Variants in PLA2G4E observed in about 807,000 individuals in gnomAD.
PLA2G4E encodes cytosolic phospholipase A2 epsilon.
Under a neutral mutation model 109.1 loss-of-function variants are expected in PLA2G4E, and 84 were observed. The observed-to-expected ratio is 0.77, with a 90% confidence interval of 0.65 to 0.92. PLA2G4E has a LOEUF of 0.92. Ranked by LOEUF, PLA2G4E falls within the 40% of genes least tolerant of loss-of-function variation. The probability of loss-of-function intolerance (pLI) is 0.00; values close to 1 mark genes in which losing one functional copy is unlikely to be tolerated. For synonymous variants in PLA2G4E, 469 were observed against 436.1 expected, an observed-to-expected ratio of 1.08 and a Z score of -0.94; for missense variants, 1,057 against 1,076.6, an observed-to-expected ratio of 0.98 and a Z score of 0.25.
At chr15:42,040,015 C>G (rs1043007570) in intron 1 of PLA2G4E, among the ~76,000 whole-genome samples, 1 of 152,068 alleles carries the variant, frequency 6.6e-6, no homozygotes, top group African/African-American at 2.4e-5. Flanking sequence ...GGAGAGAAAA[C>G]TAATTCTATC....
chr15:42,029,284 C>T (rs1889074972), intron 1 of PLA2G4E, among the ~76,000 whole-genome samples: 1 of 152,018 alleles, frequency 6.6e-6, no homozygotes, highest in African/African-American at 2.4e-5. Flanking sequence ...TTTGTAGAGA[C>T]AGGGTTTTGC....
At chr15:41,997,217 T>G in exon 11 of PLA2G4E, 1 of 1,551,496 alleles carries the variant, frequency 6.4e-7, no homozygotes, top group Non-Finnish European at 8.7e-7. Flanking sequence ...CCAGCTCTGC[T>G]GGGCACAGGC....
At chr15:41,985,787 C>T in intron 18 of PLA2G4E, 52 bp downstream of exon 18, 2 of 1,560,144 alleles carry the variant, frequency 1.3e-6, no homozygotes, top group South Asian at 2.4e-5. Flanking sequence ...ACTGCGGGGC[C>T]CATCTTAGGA....
chr15:42,018,897 A>G (rs960876834), intron 1 of PLA2G4E, among the ~76,000 whole-genome samples: 1 of 152,096 alleles, frequency 6.6e-6, no homozygotes, highest in Non-Finnish European at 1.5e-5. Context: ...TTTTATAGAT[A>G]TGACTTTTGG....
exon 4 of PLA2G4E, chr15:42,005,996 G>A: frequency 6.2e-7 from 1 of 1,613,904 alleles, no homozygotes; most frequent in Non-Finnish European, 8.5e-7. Context: ...CCACCTGCGG[G>A]TTGAGTGGAA....
chr15:42,004,950 A>G, exon 5 of PLA2G4E: 1 of 1,613,296 alleles, frequency 6.2e-7, no homozygotes, highest in East Asian at 2.2e-5. Flanking sequence ...CTCCTCCAGC[A>G]GGAACTCCAC....
chr15:42,001,938 C>A (rs1293915416), intron 6 of PLA2G4E, among the ~76,000 whole-genome samples: 2 of 152,194 alleles, frequency 1.3e-5, no homozygotes, highest in Non-Finnish European at 2.9e-5. Flanking sequence ...AGTGATCCCC[C>A]AACCTTGGCC....
Position 41,989,702 on chromosome 15 carries a change from C to T in PLA2G4E, c.1586-150G>A, listed in dbSNP as rs2068211432. On this transcript the variant is annotated intron_variant, in intron 14 of 19. Coordinates refer to ENST00000399518, the Ensembl canonical transcript of PLA2G4E. ...TTCCCCCAAAGGACACATGGGGGCA[C>T]CCTTGGCCAGCTTCTGCTGGTGTAG... 29 of 1,104,588 alleles carry T rather than the reference C, an allele frequency of 2.6e-5. 1 individual carries two copies. The South Asian group carries it at 4.2e-4, about 16-fold the overall frequency. The allele number at this position is 1,104,588 out of a possible 1,614,324, so 68.4% of individuals were successfully genotyped here.
chr15:42,015,950 G>C (rs943766293), intron 1 of PLA2G4E, among the ~76,000 whole-genome samples: 2 of 152,302 alleles, frequency 1.3e-5, no homozygotes, highest in East Asian at 3.9e-4. Context: ...CCTTCGCTGA[G>C]AGTTTTACCC....
chr15:42,012,090 A>G (rs1210617437), intron 2 of PLA2G4E, among the ~76,000 whole-genome samples: 1 of 152,208 alleles, frequency 6.6e-6, no homozygotes, highest in Admixed American at 6.5e-5. Flanking sequence ...ATTGCCCTCC[A>G]GAGGCTCTGT....
intron 1 of PLA2G4E, among the ~76,000 whole-genome samples, chr15:42,037,824 T>G (rs1243072794): frequency 6.6e-6 from 1 of 152,198 alleles, no homozygotes; most frequent in Non-Finnish European, 1.5e-5. Context: ...CTGCTTGCGG[T>G]GCACCTGGAG....
chr15:42,019,607 G>T (rs1057472535), intron 1 of PLA2G4E, among the ~76,000 whole-genome samples: 2 of 152,182 alleles, frequency 1.3e-5, no homozygotes, highest in African/African-American at 4.8e-5. Context: ...TGCAACACCT[G>T]TGTCAGAGCT....
chr15:41,993,995 G>A (rs763577214), intron 12 of PLA2G4E, among the ~76,000 whole-genome samples: 4 of 143,428 alleles, frequency 2.8e-5, no homozygotes, highest in African/African-American at 7.5e-5. Flanking sequence ...ATAGTAGTCC[G>A]GGAGGACGCA....
At chr15:42,000,400 C>G in intron 7 of PLA2G4E, 118 bp from the exon 8 acceptor site, 2 of 969,016 alleles carry the variant, frequency 2.1e-6, no homozygotes, top group Non-Finnish European at 3.0e-6. Context: ...ACCTGGGGCA[C>G]CAGTTCAAAT....
chr15:42,023,566 A>G (rs967735997), intron 1 of PLA2G4E, among the ~76,000 whole-genome samples: 2 of 152,084 alleles, frequency 1.3e-5, no homozygotes, highest in African/African-American at 4.8e-5. Context: ...ATAAGGCCAG[A>G]ACAGGCCATA....
At chr15:42,016,986 C>T (rs1343851535) in intron 1 of PLA2G4E, among the ~76,000 whole-genome samples, 2 of 152,256 alleles carry the variant, frequency 1.3e-5, no homozygotes, top group African/African-American at 4.8e-5. Flanking sequence ...GTGCAGCATG[C>T]ACCCTGGGCT....
intron 16 of PLA2G4E, 116 bp downstream of exon 16, chr15:41,987,933 C>T (rs553598429): frequency 8.0e-5 from 44 of 551,170 alleles, no homozygotes; most frequent in Admixed American, 3.8e-4. Context: ...AGCCGGGGGC[C>T]GCCCCCCATC....
intron 16 of PLA2G4E, 81 bp from the exon 17 acceptor site, chr15:41,987,456 C>A: frequency 7.2e-7 from 1 of 1,384,898 alleles, no homozygotes; most frequent in Non-Finnish European, 1.0e-6. Flanking sequence ...ACATGGTTGC[C>A]TGGCACCCAG....
exon 19 of PLA2G4E, chr15:41,984,488 G>A (rs370771272): frequency 2.9e-5 from 46 of 1,613,840 alleles, no homozygotes; most frequent in South Asian, 5.5e-5. Flanking sequence ...AGAAAGTCAC[G>A]ATGGGGGCAT....
Sources: allele counts gnomAD v4.1 joint callset (sites outside exome capture counted in the v4.1 genomes callset), GRCh38; gene constraint gnomAD v4.1.1; transcripts MANE v1.5; gene names NCBI Gene and HGNC (gene_info 2026-07-23, HGNC 2026-07-21).